SOX5: variants seen among roughly 807,000 people sequenced by gnomAD.
SOX5 encodes the protein transcription factor SOX-5.
Under a neutral mutation model 92.0 loss-of-function variants are expected in SOX5, and 9 were observed. That is an observed-to-expected ratio of 0.10 (90% CI 0.06 to 0.17). SOX5 has a LOEUF of 0.17. Ranked by LOEUF, SOX5 falls within the 10% of genes least tolerant of loss-of-function variation. SOX5 has a pLI of 1.00. For synonymous variants in SOX5, 344 were observed against 336.3 expected, an observed-to-expected ratio of 1.02 and a Z score of -0.25; for missense variants, 642 against 944.5, an observed-to-expected ratio of 0.68 and a Z score of 4.20.
chr12:24,342,509 G>C (rs1315197489), intron 2 of SOX5, among the ~76,000 whole-genome samples: 1 of 152,042 alleles, frequency 6.6e-6, no homozygotes. Context: ...AATCTTCCTA[G>C]TAACCAAAGT....
intron 1 of SOX5, among the ~76,000 whole-genome samples, chr12:24,421,348 GA>G (rs1173329948): frequency 1.3e-5 from 2 of 151,810 alleles, no homozygotes; most frequent in Non-Finnish European, 2.9e-5. Context: ...AAAATGACAA[GA>G]AAAAAAGTAG....
At chr12:24,081,764 C>T (rs1388434019) in intron 4 of SOX5, among the ~76,000 whole-genome samples, 2 of 151,922 alleles carry the variant, frequency 1.3e-5, no homozygotes, top group African/African-American at 2.4e-5. Flanking sequence ...CTCTACTGTA[C>T]CGAATTGAGG....
At chr12:23,688,605 C>T (rs2088105814) in intron 6 of SOX5, among the ~76,000 whole-genome samples, 1 of 152,012 alleles carries the variant, frequency 6.6e-6, no homozygotes, top group Non-Finnish European at 1.5e-5. Context: ...CTCTCTATCC[C>T]TTATTTATTT....
chr12:24,339,508 C>T (rs139561370), intron 2 of SOX5, among the ~76,000 whole-genome samples: 1 of 152,188 alleles, frequency 6.6e-6, no homozygotes, highest in East Asian at 1.9e-4. Context: ...AAACTGTAAG[C>T]CTTGTTAGAG....
intron 2 of SOX5, among the ~76,000 whole-genome samples, chr12:23,879,764 G>T (rs1233230016): frequency 6.6e-6 from 1 of 152,148 alleles, no homozygotes; most frequent in Non-Finnish European, 1.5e-5. Flanking sequence ...TAGTCTTTTT[G>T]TATTTCTAGA....
intron 1 of SOX5, among the ~76,000 whole-genome samples, chr12:24,546,834 G>A (rs769398778): frequency 2.6e-5 from 4 of 152,144 alleles, no homozygotes; most frequent in Non-Finnish European, 4.4e-5. Context: ...CCCAGGGCCC[G>A]CCCTGGATAT....
intron 1 of SOX5, among the ~76,000 whole-genome samples, chr12:24,375,801 A>G (rs895313373): frequency 3.3e-5 from 5 of 152,126 alleles, no homozygotes; most frequent in African/African-American, 1.2e-4. Context: ...TGTATATTAA[A>G]GTGGATGAAC....
chr12:23,919,739 G>C (rs370467118), intron 1 of SOX5, among the ~76,000 whole-genome samples: 4 of 152,308 alleles, frequency 2.6e-5, no homozygotes, highest in East Asian at 1.9e-4. Flanking sequence ...ATTCGACCCT[G>C]AGCCTTTCAC....
rs183069713 is a variant in SOX5, at chr12:24,200,213, C to G, written c.-2+13130G>C. Among the ~76,000 whole-genome samples, 8 of 152,298 alleles carry G rather than the reference C, an allele frequency of 5.3e-5. No individual in the cohort carries two copies. In the East Asian group the frequency reaches 1.5e-3, roughly 29 times the overall value. ...ATCTGGGTACTTTTTCTGGCTCTGT[C>G]ACTTATTAACTGTGTAAAATGATGC... On this transcript the variant is annotated intron_variant, in intron 4 of 4. Transcript: ENST00000446891.
intron 1 of SOX5, among the ~76,000 whole-genome samples, chr12:24,518,312 G>GCCCA (rs1949978102): frequency 6.6e-6 from 1 of 151,876 alleles, no homozygotes; most frequent in Admixed American, 6.6e-5. Context: ...CAAGTAATCT[G>GCCCA]CCCACCTGAG....
intron 2 of SOX5, among the ~76,000 whole-genome samples, chr12:24,356,621 G>T (rs534738): frequency 0.41 from 61,603 of 151,900 alleles, 14,122 homozygotes; most frequent in East Asian, 0.87. Context: ...TTACACCCCA[G>T]CTCGCAGGCA....
chr12:23,877,980 T>C (rs1302913118), intron 2 of SOX5, among the ~76,000 whole-genome samples: 9 of 152,052 alleles, frequency 5.9e-5, no homozygotes, highest in Non-Finnish European at 1.3e-4. Context: ...CCACTGAGGT[T>C]GTTTTATTAT....
At chr12:24,250,895 T>C (rs1473680613) in intron 3 of SOX5, among the ~76,000 whole-genome samples, 1 of 152,222 alleles carries the variant, frequency 6.6e-6, no homozygotes, top group East Asian at 1.9e-4. Flanking sequence ...CTGTGTATTG[T>C]ATACTGGCTC....
rs188721933 is a variant in SOX5 at position 23,651,884 on chromosome 12, G to A, written c.932-10987C>T. ...CCTGTAGTTGAACCCATTTCATCTA[G>A]TAGCAAAAATTATTTAGAAGGCTGA... On this transcript the variant is annotated intron_variant, in intron 7 of 14. Transcript: ENST00000451604. Among the ~76,000 whole-genome samples the A allele has an allele frequency of 3.6e-4, 54 of 151,848 alleles. No individual in the cohort carries two copies. The East Asian group carries it at 0.01, about 29-fold the overall frequency.
intron 3 of SOX5, among the ~76,000 whole-genome samples, chr12:24,259,881 G>A (rs1941834665): frequency 2.0e-5 from 3 of 152,184 alleles, no homozygotes; most frequent in South Asian, 4.1e-4. Flanking sequence ...TTTTAGTAAG[G>A]GAGAGGAACT....
At chr12:24,498,288 C>T (rs1310484647) in intron 1 of SOX5, among the ~76,000 whole-genome samples, 1 of 151,150 alleles carries the variant, frequency 6.6e-6, no homozygotes, top group Non-Finnish European at 1.5e-5. Context: ...GGTGTGGAAA[C>T]AAAAGCTAAG....
intron 2 of SOX5, among the ~76,000 whole-genome samples, chr12:24,336,916 G>T (rs1368816512): frequency 6.6e-6 from 1 of 152,184 alleles, no homozygotes; most frequent in Non-Finnish European, 1.5e-5. Flanking sequence ...GGCATTTTCT[G>T]AGCAAATGAG....
At chr12:23,706,110 T>C (rs1287282396) in intron 6 of SOX5, among the ~76,000 whole-genome samples, 2 of 152,024 alleles carry the variant, frequency 1.3e-5, no homozygotes, top group African/African-American at 2.4e-5. Context: ...TAACGGACCA[T>C]TCCCAAGGGA....
Position 23,621,146 on chromosome 12 carries a change from T to C in SOX5, c.1018-16613A>G, listed in dbSNP as rs373051124. On this transcript the variant is annotated intron_variant, in intron 8 of 14. Transcript: ENST00000451604. The stretch of plus-strand genomic sequence containing the variant: ...GAGAACTAAAGTCATTCTTAAAGTA[T>C]ATGTTTGAGGGATACGTGCAACAAC... Among the ~76,000 whole-genome samples the C allele has an allele frequency of 9.2e-5, 14 of 152,096 alleles. No individual in the cohort carries two copies. In the South Asian group the frequency reaches 2.1e-3, roughly 23 times the overall value.
Sources: allele counts gnomAD v4.1 joint callset (sites outside exome capture counted in the v4.1 genomes callset), GRCh38; gene constraint gnomAD v4.1.1; transcripts MANE v1.5; gene names NCBI Gene and HGNC (gene_info 2026-07-23, HGNC 2026-07-21).